The following SLC35F1 variants were observed in gnomAD, a reference collection of about 807,000 sequenced individuals.
The protein encoded by SLC35F1 is chromosome 6 open reading frame 169.
In SLC35F1, 14 loss-of-function variants were observed where a neutral mutation model predicts 48.7. That is an observed-to-expected ratio of 0.29 (90% CI 0.19 to 0.45). The LOEUF (loss-of-function observed/expected upper bound fraction) is 0.45, where lower values mean the gene tolerates loss of function less well. Ranked by LOEUF, SLC35F1 falls within the 20% of genes least tolerant of loss-of-function variation. SLC35F1 has a pLI of 1.00. For synonymous variants in SLC35F1, 190 were observed against 202.2 expected, an observed-to-expected ratio of 0.94 and a Z score of 0.51; for missense variants, 404 against 500.0, an observed-to-expected ratio of 0.81 and a Z score of 1.83.
intron 1 of SLC35F1, among the ~76,000 whole-genome samples, chr6:118,033,442 C>A (rs4245495): frequency 0.32 from 48,517 of 151,932 alleles, 8,033 homozygotes; most frequent in South Asian, 0.47. Flanking sequence ...ATTAATAAAA[C>A]CTCTGAGGCA....
intron 1 of SLC35F1, among the ~76,000 whole-genome samples, chr6:118,097,448 C>A (rs1044713349): frequency 6.6e-6 from 1 of 152,134 alleles, no homozygotes; most frequent in Non-Finnish European, 1.5e-5. Context: ...AGGCCTTTTT[C>A]CTCCTTATTT....
At chr6:118,272,737 G>GTGTGTATATATATATATATATA (rs201515909) in intron 4 of SLC35F1, among the ~76,000 whole-genome samples, 26 of 120,250 alleles carry the variant, frequency 2.2e-4, no homozygotes, top group African/African-American at 8.0e-4. Flanking sequence ...ATATGTGTGT[G>GTGTGTATATATATATATATATA]TATATATATA....
At chr6:118,211,860 CTG>C (rs1425989393) in intron 2 of SLC35F1, among the ~76,000 whole-genome samples, 2 of 152,160 alleles carry the variant, frequency 1.3e-5, no homozygotes, top group African/African-American at 4.8e-5. Flanking sequence ...AGGATATTAA[CTG>C]TTTATTTTCT....
At chr6:118,005,655 A>G (rs1262453055) in intron 1 of SLC35F1, among the ~76,000 whole-genome samples, 2 of 152,194 alleles carry the variant, frequency 1.3e-5, no homozygotes, top group Non-Finnish European at 2.9e-5. Flanking sequence ...CTTTAGCATC[A>G]GAAACTTTTA....
At chr6:118,190,748 C>T (rs1372918190) in intron 2 of SLC35F1, among the ~76,000 whole-genome samples, 3 of 152,074 alleles carry the variant, frequency 2.0e-5, no homozygotes, top group African/African-American at 4.8e-5. Flanking sequence ...GCAGTATGCT[C>T]CTTACCCAGA....
chr6:118,221,008 T>A (rs961140939), intron 2 of SLC35F1, among the ~76,000 whole-genome samples: 2 of 152,186 alleles, frequency 1.3e-5, no homozygotes, highest in Non-Finnish European at 2.9e-5. Context: ...TGTTAGCTTA[T>A]TATTTGGCAT....
chr6:118,280,257 A>G (rs1275159037), intron 6 of SLC35F1, among the ~76,000 whole-genome samples: 2 of 152,192 alleles, frequency 1.3e-5, no homozygotes, highest in African/African-American at 2.4e-5. Flanking sequence ...AGTCACATTC[A>G]TAAGTCTAAT....
At chr6:118,035,902 C>T (rs1316757913) in intron 1 of SLC35F1, among the ~76,000 whole-genome samples, 1 of 151,820 alleles carries the variant, frequency 6.6e-6, no homozygotes, top group African/African-American at 2.4e-5. Context: ...CCATGTTAGC[C>T]AGGATGGTCT....
chr6:118,267,551 A>C (rs1156387222), intron 4 of SLC35F1, among the ~76,000 whole-genome samples: 2 of 152,168 alleles, frequency 1.3e-5, no homozygotes, highest in African/African-American at 4.8e-5. Context: ...AGGGCCTTCC[A>C]CACATTTCCC....
intron 1 of SLC35F1, among the ~76,000 whole-genome samples, chr6:117,936,750 T>TA (rs199620161): frequency 4.0e-5 from 6 of 151,646 alleles, no homozygotes; most frequent in South Asian, 4.2e-4. Context: ...ACAGTTCTTT[T>TA]AAAAAAAAAC....
At chr6:118,174,030 A>C (rs1379472021) in intron 2 of SLC35F1, among the ~76,000 whole-genome samples, 2 of 152,188 alleles carry the variant, frequency 1.3e-5, no homozygotes, top group African/African-American at 4.8e-5. Flanking sequence ...AGTTGCAAGA[A>C]AGACCAATCC....
At chr6:117,910,795 C>G (rs1775752001) in intron 1 of SLC35F1, among the ~76,000 whole-genome samples, 1 of 152,132 alleles carries the variant, frequency 6.6e-6, no homozygotes, top group Non-Finnish European at 1.5e-5. Flanking sequence ...TGGCGAATTG[C>G]CTGCCATTGG....
At chr6:118,045,876 C>A (rs1484893704) in intron 1 of SLC35F1, among the ~76,000 whole-genome samples, 1 of 152,176 alleles carries the variant, frequency 6.6e-6, no homozygotes, top group Non-Finnish European at 1.5e-5. Flanking sequence ...TTACTCCTTT[C>A]TTTTACGTTT....
intron 1 of SLC35F1, among the ~76,000 whole-genome samples, chr6:118,082,940 A>AC (rs1436306933): frequency 2.6e-5 from 4 of 151,892 alleles, no homozygotes; most frequent in African/African-American, 9.7e-5. Flanking sequence ...GATGACACTC[A>AC]CCCCCGCCCC....
intron 6 of SLC35F1, among the ~76,000 whole-genome samples, chr6:118,278,076 G>T (rs1252395549): frequency 2.0e-5 from 3 of 152,154 alleles, no homozygotes; most frequent in Non-Finnish European, 2.9e-5. Flanking sequence ...TACCAGACAC[G>T]CTTTGAGCTA....
chr6:118,082,181 G>A (rs1172496514), intron 1 of SLC35F1, among the ~76,000 whole-genome samples: 1 of 152,130 alleles, frequency 6.6e-6, no homozygotes, highest in South Asian at 2.1e-4. Flanking sequence ...TAGGGTCTAG[G>A]CAATTACGAT....
intron 2 of SLC35F1, among the ~76,000 whole-genome samples, chr6:118,214,665 AG>A (rs769747121): frequency 4.5e-4 from 68 of 152,186 alleles, no homozygotes; most frequent in Non-Finnish European, 6.2e-4. Context: ...CCTTCATTGT[AG>A]CTCCATTGTC....
At chr6:118,187,022 C>T (rs755697036) in intron 2 of SLC35F1, among the ~76,000 whole-genome samples, 1 of 152,206 alleles carries the variant, frequency 6.6e-6, no homozygotes, top group Non-Finnish European at 1.5e-5. Context: ...CTCATTCTAT[C>T]TCTCTATCTC....
At chr6:118,110,414 G>A (rs1271208645) in intron 1 of SLC35F1, among the ~76,000 whole-genome samples, 1 of 152,152 alleles carries the variant, frequency 6.6e-6, no homozygotes, top group East Asian at 1.9e-4. Context: ...GAACTGACAT[G>A]AGAATTAAAA....
Sources: allele counts gnomAD v4.1 joint callset (sites outside exome capture counted in the v4.1 genomes callset), GRCh38; gene constraint gnomAD v4.1.1; transcripts MANE v1.5; gene names NCBI Gene and HGNC (gene_info 2026-07-23, HGNC 2026-07-21).